Variants in LIN7A observed in about 807,000 individuals in gnomAD.
LIN7A encodes the protein protein lin-7 homolog A.
Under a neutral mutation model 29.8 loss-of-function variants are expected in LIN7A, and 25 were observed. The observed-to-expected ratio is 0.84, with a 90% CI of 0.61 to 1.17. The LOEUF (loss-of-function observed/expected upper bound fraction) is 1.17. Among genes scored for constraint, LIN7A ranks in the 50% most tolerant of loss-of-function variants. The probability of loss-of-function intolerance (pLI) is 0.00; values close to 1 mark genes in which losing one functional copy is unlikely to be tolerated. For synonymous variants in LIN7A, 118 were observed against 107.5 expected (o/e 1.10, Z -0.60); for missense variants, 239 against 287.0 (o/e 0.83, Z 1.21).
chr12:80,874,857 G>A (rs867593845), intron 2 of LIN7A, among the ~76,000 whole-genome samples: 26 of 151,976 alleles, frequency 1.7e-4, no homozygotes, highest in South Asian at 4.2e-4. Context: ...TGTGGCGGGC[G>A]CCTGTAGTCC....
intron 2 of LIN7A, among the ~76,000 whole-genome samples, chr12:80,876,687 C>T (rs1565911467): frequency 1.3e-5 from 2 of 152,168 alleles, no homozygotes; most frequent in Admixed American, 6.5e-5. Flanking sequence ...GACCCCATTG[C>T]ATTGTACATT....
chr12:80,826,683 T>G (rs1004057357), intron 4 of LIN7A, among the ~76,000 whole-genome samples: 1 of 152,086 alleles, frequency 6.6e-6, no homozygotes, highest in Middle Eastern at 3.2e-3. Flanking sequence ...CCACCATGCC[T>G]GGCTAATTTT....
chr12:80,803,603 T>G (rs570988524), intron 5 of LIN7A, among the ~76,000 whole-genome samples: 1 of 152,340 alleles, frequency 6.6e-6, no homozygotes, highest in African/African-American at 2.4e-5. Context: ...TTGATTTGGC[T>G]ATTTGATGTC....
chr12:80,838,847 C>A (rs1872690929), intron 4 of LIN7A, among the ~76,000 whole-genome samples: 1 of 152,184 alleles, frequency 6.6e-6, no homozygotes, highest in South Asian at 2.1e-4. Flanking sequence ...CTGCTCCCCT[C>A]TAAGGGCCAA....
At chr12:80,917,934 A>G (rs1390838268) in intron 1 of LIN7A, among the ~76,000 whole-genome samples, 1 of 152,210 alleles carries the variant, frequency 6.6e-6, no homozygotes, top group Non-Finnish European at 1.5e-5. Context: ...TGTTTCTTCT[A>G]TGAGAAACCA....
intron 1 of LIN7A, among the ~76,000 whole-genome samples, chr12:80,895,735 T>G (rs1274249187): frequency 6.6e-6 from 1 of 152,238 alleles, no homozygotes; most frequent in Non-Finnish European, 1.5e-5. Flanking sequence ...TTTTCATCTT[T>G]GCACCCTTCC....
At chr12:80,834,163 A>G (rs1369510898) in intron 4 of LIN7A, among the ~76,000 whole-genome samples, 1 of 152,198 alleles carries the variant, frequency 6.6e-6, no homozygotes, top group African/African-American at 2.4e-5. Flanking sequence ...GGACTACCAC[A>G]TATATAGTGA....
Position 80,796,852 on chromosome 12 carries a change from A to G in LIN7A, c.*875T>C, listed in dbSNP as rs1870472945. On this transcript the variant is annotated 3_prime_UTR_variant, in exon 6 of 6. Transcript: ENST00000552864. Reference sequence around the variant, plus strand: ...AAATATTGAGAGTGGGTTTATGTATATAACATACGAGAATCTGTTCACAGG... The same window carrying G: ...AAATATTGAGAGTGGGTTTATGTATGTAACATACGAGAATCTGTTCACAGG... 1 of 152,186 alleles carries G rather than the reference A, an allele frequency of 6.6e-6. No individual in the cohort carries two copies. Among genetic ancestry groups the G allele is most frequent in the African/African-American group, 2.4e-5 (1 of 41,462 alleles). 9.4% of individuals were successfully genotyped at this position (152,186 alleles called of 1,614,324 possible).
At chr12:80,935,821 C>T (rs1247861113) in intron 1 of LIN7A, 1 of 494,042 alleles carries the variant, frequency 2.0e-6, no homozygotes, top group Admixed American at 2.0e-5. Flanking sequence ...TAGAGTTTGG[C>T]TGTGAACAAG....
intron 1 of LIN7A, among the ~76,000 whole-genome samples, chr12:80,891,493 CAT>C (rs1875623281): frequency 6.6e-6 from 1 of 152,174 alleles, no homozygotes; most frequent in Non-Finnish European, 1.5e-5. Flanking sequence ...TGTTTTGGCA[CAT>C]GTCATCACCT....
At chr12:80,820,657 A>ACACACACACACACACG (rs1555222253) in intron 4 of LIN7A, among the ~76,000 whole-genome samples, 1 of 151,768 alleles carries the variant, frequency 6.6e-6, no homozygotes, top group Non-Finnish European at 1.5e-5. Context: ...ACACACACAC[A>ACACACACACACACACG]CCCATCTTCA....
intron 4 of LIN7A, among the ~76,000 whole-genome samples, chr12:80,814,385 T>G (rs1871436322): frequency 6.6e-6 from 1 of 151,574 alleles, no homozygotes; most frequent in African/African-American, 2.4e-5. Context: ...TTCTCTAATT[T>G]CTTTTTTAAT....
intron 1 of LIN7A, among the ~76,000 whole-genome samples, chr12:80,920,804 T>C (rs780862425): frequency 6.6e-6 from 1 of 152,182 alleles, no homozygotes; most frequent in Non-Finnish European, 1.5e-5. Context: ...AGAGATTTCT[T>C]AAGGCAGAGA....
At chr12:80,920,965 G>T (rs1438150795) in intron 1 of LIN7A, among the ~76,000 whole-genome samples, 1 of 152,182 alleles carries the variant, frequency 6.6e-6, no homozygotes, top group East Asian at 1.9e-4. Context: ...ACAGAGGATT[G>T]CTGAGGCCAA....
chr12:80,845,736 G>A lies in LIN7A; in HGVS notation c.477C>T (p.Asn159=), dbSNP rs150476261. The change falls in exon 4 of 6, where the codon AAC becomes AAT. Residue 159 remains asparagine, a synonymous_variant. Transcript: ENST00000552864. ...LKRGDQLLSV[N]GVSVEGEHHE... ...GGTTATTTTATAAACATACCACTCC[G>A]TTCACTGATAGCAGCTGGTCTCCTC... 38 of 1,611,938 alleles carry A rather than the reference G, an allele frequency of 2.4e-5. No homozygotes were observed. The highest frequency in any genetic ancestry group is 2.0e-4 in the African/African-American group (15 of 74,780).
intron 4 of LIN7A, among the ~76,000 whole-genome samples, chr12:80,816,445 C>A (rs1459037426): frequency 1.3e-5 from 2 of 151,086 alleles, no homozygotes; most frequent in African/African-American, 4.9e-5. Context: ...CACTCACACA[C>A]ACACACTATT....
At chr12:80,903,611 T>C (rs1876332173) in intron 1 of LIN7A, among the ~76,000 whole-genome samples, 1 of 152,124 alleles carries the variant, frequency 6.6e-6, no homozygotes, top group Non-Finnish European at 1.5e-5. Flanking sequence ...GATAGACACT[T>C]AGGTTGATCT....
chr12:80,862,719 A>G (rs1209641644), intron 2 of LIN7A, among the ~76,000 whole-genome samples: 1 of 152,210 alleles, frequency 6.6e-6, no homozygotes. Flanking sequence ...AAGAAAAGGC[A>G]CAACAATGTG....
At chr12:80,916,844 A>G (rs952496772) in intron 1 of LIN7A, among the ~76,000 whole-genome samples, 1 of 152,138 alleles carries the variant, frequency 6.6e-6, no homozygotes, top group Non-Finnish European at 1.5e-5. Flanking sequence ...TTTCCCGCAG[A>G]GAGAGCAACA....
Sources: allele counts gnomAD v4.1 joint callset (sites outside exome capture counted in the v4.1 genomes callset), GRCh38; gene constraint gnomAD v4.1.1; transcripts MANE v1.5; gene names NCBI Gene and HGNC (gene_info 2026-07-23, HGNC 2026-07-21).